The following BCLAF1 variants were observed in gnomAD, a reference collection of about 807,000 sequenced individuals.
BCLAF1 encodes BCL2 associated transcription factor 1, also known as bcl-2-associated transcription factor 1.
A neutral mutation model predicts 99.5 loss-of-function variants in BCLAF1; 10 were observed. That is an observed-to-expected ratio of 0.10 (90% CI 0.06 to 0.17). The LOEUF is 0.17. Ranked by LOEUF, BCLAF1 falls within the 10% of genes least tolerant of loss-of-function variation. The probability of loss-of-function intolerance (pLI) is 1.00; values close to 1 mark genes in which losing one functional copy is unlikely to be tolerated. For missense variants in BCLAF1, 636 were observed against 1,105.8 expected, an observed-to-expected ratio of 0.58 and a Z score of 6.02; for synonymous variants, 255 against 370.9, an observed-to-expected ratio of 0.69 and a Z score of 3.59.
chr6:136,285,958 C>T (rs1434285179), intron 1 of BCLAF1, among the ~76,000 whole-genome samples: 1 of 152,000 alleles, frequency 6.6e-6, no homozygotes, highest in African/African-American at 2.4e-5. Context: ...ATCAGCCAGG[C>T]GTGGTGGTGC....
In BCLAF1 at chr6:136,273,219, GTTAAC is replaced by G. The variant is rs779196556; in HGVS notation, c.1853-37_1853-33del. On this transcript the variant is annotated intron_variant, in intron 6 of 12. Transcript: ENST00000531224. ...ATTTAGAAGAAATACTGTCCGATTA[GTTAAC>G]TTTACTTTAAGAGAGATTTGTTTGT... The G allele has an allele frequency of 2.4e-5, 37 of 1,571,368 alleles. No homozygotes were observed. In the African/African-American group the frequency reaches 2.6e-4, roughly 11 times the overall value.
chr6:136,262,036 A>G (rs1444018321), intron 11 of BCLAF1, among the ~76,000 whole-genome samples: 1 of 152,150 alleles, frequency 6.6e-6, no homozygotes, highest in African/African-American at 2.4e-5. Context: ...GAGAATTTCA[A>G]TGGTAAATCA....
chr6:136,270,498 G>C (rs982309645), intron 8 of BCLAF1: 6 of 151,708 alleles, frequency 4.0e-5, no homozygotes, highest in African/African-American at 1.5e-4. Flanking sequence ...ATATTCATAA[G>C]CATTCATAAA....
chr6:136,279,671 A>C, intron 3 of BCLAF1, 92 bp downstream of exon 3: 4 of 1,205,818 alleles, frequency 3.3e-6, no homozygotes, highest in Non-Finnish European at 4.2e-6. Context: ...AGAATAAAAT[A>C]CATTTTGGGG....
chr6:136,289,245 G>A (rs1176680614), intron 1 of BCLAF1, among the ~76,000 whole-genome samples: 1 of 152,248 alleles, frequency 6.6e-6, no homozygotes, highest in Non-Finnish European at 1.5e-5. Context: ...AAACCCCACA[G>A]GCCACGAAGA....
At chr6:136,287,301 C>T (rs1222212498) in intron 1 of BCLAF1, among the ~76,000 whole-genome samples, 1 of 152,086 alleles carries the variant, frequency 6.6e-6, no homozygotes, top group Non-Finnish European at 1.5e-5. Context: ...CAGAGCGAGT[C>T]TCTGTCTCAA....
chr6:136,267,430 T>A (rs1781870340), intron 10 of BCLAF1, among the ~76,000 whole-genome samples: 2 of 151,972 alleles, frequency 1.3e-5, no homozygotes, highest in African/African-American at 4.8e-5. Context: ...CTAATATTTT[T>A]AAATAATCAA....
rs1247311720 is a variant in BCLAF1, at chr6:136,256,698, A to AATAAATAAATAT, written c.*4411_*4412insATATTTATTTAT. The stretch of plus-strand genomic sequence containing the variant: ...AAATAAATAAATAAATAAATAAATA[A>AATAAATAAATAT]ATAAATAAATAATTCAAAGTGCATT... On this transcript the variant is annotated 3_prime_UTR_variant, in exon 13 of 13. Transcript: ENST00000531224. The AATAAATAAATAT allele has an allele frequency of 6.7e-5, 11 of 163,756 alleles. No homozygotes were observed. The East Asian group carries it at 1.9e-3, about 29-fold the overall frequency. 10.1% of individuals were successfully genotyped at this position (163,756 alleles called of 1,614,324 possible). A position where few individuals can be genotyped will look rare whatever the true frequency, so the allele number is the denominator to read the frequency against.
intron 9 of BCLAF1, chr6:136,268,575 G>A: frequency 2.4e-6 from 1 of 419,960 alleles, no homozygotes; most frequent in Non-Finnish European, 4.3e-6. Context: ...ATAGTAGTCT[G>A]TAAAGGTCAA....
At position 136,261,017 on chromosome 6, in the gene BCLAF1, G is replaced by A. The variant is rs545502239; in HGVS notation, c.*93C>T. 2.9e-6 allele frequency: 4 copies of A among 1,361,564 alleles called. No individual in the cohort carries two copies. The East Asian group carries it at 7.3e-5, about 25-fold the overall frequency. The allele number at this position is 1,361,564 out of a possible 1,614,324, so 84.3% of individuals were successfully genotyped here. A position where few individuals can be genotyped will look rare whatever the true frequency, so the allele number is the denominator to read the frequency against. ...ACTACTTGCAAACAGTAAAATTTAA[G>A]TAAAATGCTTACATTCTTATTTGAA... On this transcript the variant is annotated 3_prime_UTR_variant, in exon 13 of 13. Coordinates refer to ENST00000531224, the MANE Select transcript of BCLAF1 (RefSeq NM_014739.3).
chr6:136,289,402 G>A (rs1785636388), intron 1 of BCLAF1, among the ~76,000 whole-genome samples: 1 of 152,192 alleles, frequency 6.6e-6, no homozygotes, highest in Non-Finnish European at 1.5e-5. Context: ...CTGAAGAAAT[G>A]GGGGAAGGGT....
rs754337337 is a variant in BCLAF1, at chr6:136,259,568, A to C, written c.*1542T>G. ...TAGACAATTTTAGAAAGACATGTTA[A>C]CGGGGGAAAATCACACAATACTAAG... On this transcript the variant is annotated 3_prime_UTR_variant, in exon 13 of 13. Transcript: ENST00000531224. 5 of 152,028 alleles carry C rather than the reference A, an allele frequency of 3.3e-5. No individual in the cohort carries two copies. Among genetic ancestry groups the C allele is most frequent in the Non-Finnish European group, 5.9e-5 (4 of 67,890 alleles). The allele number at this position is 152,028 out of a possible 1,614,324, so 9.4% of individuals were successfully genotyped here. A position where few individuals can be genotyped will look rare whatever the true frequency, so the allele number is the denominator to read the frequency against.
chr6:136,262,067 AC>A (rs1343990949), intron 11 of BCLAF1, among the ~76,000 whole-genome samples: 1 of 152,138 alleles, frequency 6.6e-6, no homozygotes, highest in Non-Finnish European at 1.5e-5. Context: ...CCTAGAATTA[AC>A]ATCTCACTCA....
chr6:136,279,111 AG>A (rs1410161776), intron 3 of BCLAF1, among the ~76,000 whole-genome samples: 1 of 152,110 alleles, frequency 6.6e-6, no homozygotes, highest in Non-Finnish European at 1.5e-5. Context: ...ATGTTGTAAA[AG>A]AATATTTAAT....
In BCLAF1 at chr6:136,256,688, TAAA is replaced by T. The variant is rs1404830252; in HGVS notation, c.*4419_*4421del. Reference sequence around the variant, plus strand: ...CCATCTCAATAAATAAATAAATAAATAAATAAATAAATAAATAAATAATTCAAA... The same window carrying T: ...CCATCTCAATAAATAAATAAATAAATTAAATAAATAAATAAATAATTCAAA... On this transcript the variant is annotated 3_prime_UTR_variant, in exon 13 of 13. Transcript: ENST00000531224. 1 of 162,300 alleles carries T rather than the reference TAAA, an allele frequency of 6.2e-6. No individual in the cohort carries two copies. Among genetic ancestry groups the T allele is most frequent in the Non-Finnish European group, 1.3e-5 (1 of 77,196 alleles). 10.1% of individuals were successfully genotyped at this position (162,300 alleles called of 1,614,324 possible).
Position 136,258,904 on chromosome 6 carries a change from G to A in BCLAF1, c.*2206C>T, listed in dbSNP as rs1780651946. On this transcript the variant is annotated 3_prime_UTR_variant, in exon 13 of 13. Coordinates refer to ENST00000531224, the MANE Select transcript of BCLAF1 (RefSeq NM_014739.3). ...TAATCCTTTCTGGAAATATCCTTTG[G>A]TTCATTTTTATTGCCCCTCTCTAGG... 6.6e-6 allele frequency: 1 copy of A among 152,334 alleles called. No individual in the cohort carries two copies. Among genetic ancestry groups the A allele is most frequent in the South Asian group, 2.1e-4 (1 of 4,826 alleles). The allele number at this position is 152,334 out of a possible 1,614,324, so 9.4% of individuals were successfully genotyped here.
At chr6:136,277,418 C>T (rs1463547659) in intron 4 of BCLAF1, among the ~76,000 whole-genome samples, 1 of 152,188 alleles carries the variant, frequency 6.6e-6, no homozygotes, top group Non-Finnish European at 1.5e-5. Context: ...CAGTTATTAG[C>T]AACATATATC....
At chr6:136,273,252 C>G (rs1189555987) in intron 6 of BCLAF1, 65 bp from the exon 7 acceptor site, 1 of 1,369,218 alleles carries the variant, frequency 7.3e-7, no homozygotes, top group Admixed American at 1.9e-5. Context: ...TTGTTTGTGA[C>G]AGAAGGGCAT....
At chr6:136,275,755 T>C (rs1349997496) in intron 5 of BCLAF1, 54 bp from the exon 6 acceptor site, 1 of 1,558,898 alleles carries the variant, frequency 6.4e-7, no homozygotes, top group Non-Finnish European at 8.6e-7. Context: ...GGTTTAAATA[T>C]AAAAATGGTA....
Sources: gnomAD v4.1 joint callset for allele counts (sites outside exome capture counted in the v4.1 genomes callset) on GRCh38, gnomAD v4.1.1 for gene constraint, MANE v1.5 for transcripts, NCBI Gene and HGNC (gene_info 2026-07-23, HGNC 2026-07-21) for gene names.